Variants in CRIM1 observed in about 807,000 individuals in gnomAD.
The protein encoded by CRIM1 is cysteine-rich motor neuron 1 protein.
Under a neutral mutation model 116.4 loss-of-function variants are expected in CRIM1, and 32 were observed. The observed-to-expected ratio is 0.27, with a 90% CI of 0.21 to 0.37. CRIM1 has a LOEUF of 0.37. Ranked by LOEUF, CRIM1 falls within the 10% of genes least tolerant of loss-of-function variation. The pLI, the probability that CRIM1 is intolerant of heterozygous loss-of-function variation, is 1.00. For synonymous variants in CRIM1, 590 were observed against 509.2 expected, an observed-to-expected ratio of 1.16 and a Z score of -2.13; for missense variants, 1,331 against 1,354.8, an observed-to-expected ratio of 0.98 and a Z score of 0.28.
intron 4 of CRIM1, among the ~76,000 whole-genome samples, chr2:36,449,538 G>C (rs1018890021): frequency 6.6e-6 from 1 of 152,206 alleles, no homozygotes; most frequent in African/African-American, 2.4e-5. Context: ...TCCAGAGCTA[G>C]AATCCAGGCC....
chr2:36,395,870 C>T (rs550595596), intron 1 of CRIM1, among the ~76,000 whole-genome samples: 55 of 152,198 alleles, frequency 3.6e-4, no homozygotes, highest in African/African-American at 1.3e-3. Flanking sequence ...TATTAGCTGC[C>T]TTAATGTAGT....
In CRIM1 at chr2:36,476,979, G is replaced by A. The variant is rs754198552; in HGVS notation, c.1082G>A (p.Gly361Glu). The change falls in exon 6 of 17, where the codon GGG (glycine) becomes GAG (glutamate). Residue 361 changes from glycine to glutamate, a missense_variant. Coordinates refer to ENST00000280527, the MANE Select transcript of CRIM1 (RefSeq NM_016441.3). ...AACTGTCGGTTCTGTCGATGCCAAGGGGGCGTTGCCATCTGCTTCACCGCC... is the reference window on the plus strand; with the variant it reads ...AACTGTCGGTTCTGTCGATGCCAAGAGGGCGTTGCCATCTGCTTCACCGCC... The part of the protein sequence containing the change: ...MDNCRFCRCQ[G>E]GVAICFTAQC... 1.7e-5 allele frequency: 28 copies of A among 1,613,962 alleles called. No individual in the cohort carries two copies. In the Admixed American group the frequency reaches 4.3e-4, roughly 25 times the overall value.
At chr2:36,478,856 A>G (rs532135136) in intron 6 of CRIM1, among the ~76,000 whole-genome samples, 6 of 151,682 alleles carry the variant, frequency 4.0e-5, no homozygotes, top group African/African-American at 1.2e-4. Flanking sequence ...TTTTTACAGT[A>G]GCTTTGGCTA....
chr2:36,437,181 C>G (rs1675380215), intron 2 of CRIM1, among the ~76,000 whole-genome samples: 1 of 152,212 alleles, frequency 6.6e-6, no homozygotes, highest in African/African-American at 2.4e-5. Context: ...CGAGACCATC[C>G]TGGCTAACAC....
chr2:36,392,217 T>C (rs572303789), intron 1 of CRIM1, among the ~76,000 whole-genome samples: 115 of 152,356 alleles, frequency 7.5e-4, no homozygotes, highest in African/African-American at 2.6e-3. Flanking sequence ...TTTGAACATA[T>C]ATGAATTTGA....
intron 7 of CRIM1, among the ~76,000 whole-genome samples, chr2:36,495,475 A>ATT (rs1024205619): frequency 2.2e-4 from 29 of 129,678 alleles, no homozygotes; most frequent in Non-Finnish European, 3.5e-4. Flanking sequence ...TTATTTATTT[A>ATT]TTTTTTTTTT....
At chr2:36,493,738 C>T (rs1680392785) in intron 7 of CRIM1, among the ~76,000 whole-genome samples, 1 of 152,152 alleles carries the variant, frequency 6.6e-6, no homozygotes, top group African/African-American at 2.4e-5. Context: ...TCAAAACCAG[C>T]AGTTCAGTGG....
At chr2:36,517,574 TG>T (rs772353664) in intron 12 of CRIM1, 32 bp downstream of exon 12, 63 of 1,590,010 alleles carry the variant, frequency 4.0e-5, no homozygotes, top group Non-Finnish European at 5.2e-5. Context: ...GGGTGCTTGG[TG>T]GGGAAGGATG....
intron 14 of CRIM1, 99 bp downstream of exon 14, chr2:36,537,645 C>A: frequency 7.6e-7 from 1 of 1,319,444 alleles, no homozygotes; most frequent in Non-Finnish European, 1.0e-6. Flanking sequence ...TTCGTTCACA[C>A]GGCCCAAGTA....
intron 7 of CRIM1, 116 bp from the exon 8 acceptor site, chr2:36,499,103 A>G: frequency 2.7e-6 from 2 of 744,338 alleles, no homozygotes; most frequent in Admixed American, 2.5e-5. Flanking sequence ...TTACGATTTG[A>G]TGACAATTAC....
intron 2 of CRIM1, among the ~76,000 whole-genome samples, chr2:36,419,773 C>T (rs1020636061): frequency 1.3e-5 from 2 of 152,186 alleles, no homozygotes; most frequent in South Asian, 2.1e-4. Context: ...TTAAAGGGGG[C>T]TTTTGGGAAA....
intron 7 of CRIM1, 122 bp downstream of exon 7, chr2:36,479,816 T>C: frequency 1.1e-6 from 1 of 928,070 alleles, no homozygotes; most frequent in Non-Finnish European, 1.7e-6. Flanking sequence ...CTGTTACCAG[T>C]TGCCAACAAA....
intron 1 of CRIM1, among the ~76,000 whole-genome samples, chr2:36,383,124 T>G (rs776116812): frequency 2.0e-5 from 3 of 152,214 alleles, no homozygotes; most frequent in Non-Finnish European, 1.5e-5. Flanking sequence ...CTTGAAAAAT[T>G]TATCTACTTA....
chr2:36,359,567 C>T (rs904903184), intron 1 of CRIM1, among the ~76,000 whole-genome samples: 2 of 151,802 alleles, frequency 1.3e-5, no homozygotes, highest in African/African-American at 4.8e-5. Flanking sequence ...ATTGAACAAA[C>T]GGAAGAACAA....
chr2:36,462,851 A>C (rs541156316), intron 4 of CRIM1, among the ~76,000 whole-genome samples: 96 of 152,346 alleles, frequency 6.3e-4, no homozygotes, highest in Non-Finnish European at 1.1e-3. Context: ...TGTGCTTACC[A>C]CTGCAATGGC....
At chr2:36,458,948 C>G (rs1677363744) in intron 4 of CRIM1, among the ~76,000 whole-genome samples, 1 of 152,138 alleles carries the variant, frequency 6.6e-6, no homozygotes. Flanking sequence ...TATTTCTGTT[C>G]TTTTCTTCCC....
chr2:36,508,966 T>G (rs1195608366), intron 8 of CRIM1, among the ~76,000 whole-genome samples: 1 of 152,166 alleles, frequency 6.6e-6, no homozygotes, highest in Non-Finnish European at 1.5e-5. Context: ...ATATGAGTAT[T>G]TTTTCAACAC....
Position 36,441,325 on chromosome 2 carries a change from T to C in CRIM1, c.573T>C (p.Ser191=). Residue 191 remains serine, a synonymous_variant, in exon 3 of 17, where the codon TCT becomes TCC. Transcript: ENST00000280527. ...TCTCTCCACGTTGTCCTGAAGATTCTGTTCTGATCGAGGGTTATGCTCCTC... is the reference window on the plus strand; with the variant it reads ...TCTCTCCACGTTGTCCTGAAGATTCCGTTCTGATCGAGGGTTATGCTCCTC... ...VQFSPRCPED[S]VLIEGYAPPG... is the part of the protein sequence containing the mutation. The C allele has an allele frequency of 6.2e-7, 1 of 1,614,224 alleles. No individual in the cohort carries two copies. The highest frequency in any genetic ancestry group is 8.5e-7 in the Non-Finnish European group (1 of 1,180,030).
chr2:36,439,252 C>T (rs1675581600), intron 2 of CRIM1, among the ~76,000 whole-genome samples: 1 of 152,184 alleles, frequency 6.6e-6, no homozygotes, highest in Non-Finnish European at 1.5e-5. Context: ...CTGTGGTAAA[C>T]AGTGCTAGTA....
Sources: gnomAD v4.1 joint callset for allele counts (sites outside exome capture counted in the v4.1 genomes callset) on GRCh38, gnomAD v4.1.1 for gene constraint, MANE v1.5 for transcripts, NCBI Gene and HGNC (gene_info 2026-07-23, HGNC 2026-07-21) for gene names.